TAFA1: variants seen among roughly 807,000 people sequenced by gnomAD.
TAFA1 encodes the protein TAFA chemokine like family member 1.
In TAFA1, 4 loss-of-function variants were observed where a neutral mutation model predicts 18.5. That is an observed-to-expected ratio of 0.22 (90% CI 0.11 to 0.49). TAFA1 has a LOEUF of 0.49. Ranked by LOEUF, TAFA1 falls within the 20% of genes least tolerant of loss-of-function variation. The pLI is 0.98. For missense variants in TAFA1, 147 were observed against 169.0 expected (o/e 0.87, Z 0.72); for synonymous variants, 56 against 55.2 (o/e 1.01, Z -0.06).
Position 68,434,229 on chromosome 3 carries a change from T to G in TAFA1, c.259+16809T>G, listed in dbSNP as rs188938996. Among the ~76,000 whole-genome samples the G allele has an allele frequency of 1.9e-3, 295 of 152,236 alleles. 2 individuals carry two copies. The highest frequency in any genetic ancestry group is 6.7e-3 in the African/African-American group (280 of 41,568). On this transcript the variant is annotated intron_variant, in intron 3 of 4. Transcript: ENST00000478136. ...TTACTTTTGAGTTGCTAGTGTTATG[T>G]GAAGTGGTAACTTGAGATTGGTGTG... is the stretch of plus-strand genomic sequence containing the variant.
chr3:68,453,707 G>A (rs1217516720), intron 3 of TAFA1, among the ~76,000 whole-genome samples: 1 of 152,182 alleles, frequency 6.6e-6, no homozygotes, highest in East Asian at 1.9e-4. Flanking sequence ...AATTGTGTTA[G>A]ATAATTTTTG....
At chr3:68,500,656 A>G (rs2106704973) in intron 3 of TAFA1, among the ~76,000 whole-genome samples, 2 of 152,172 alleles carry the variant, frequency 1.3e-5, no homozygotes, top group Non-Finnish European at 2.9e-5. Context: ...TAGCTGTGAC[A>G]ATGAGTATGT....
At chr3:68,118,809 C>T (rs149384225) in intron 2 of TAFA1, among the ~76,000 whole-genome samples, 1 of 152,140 alleles carries the variant, frequency 6.6e-6, no homozygotes, top group Non-Finnish European at 1.5e-5. Flanking sequence ...CATCTGTGCA[C>T]TATTGTGAAT....
chr3:68,424,397 A>G (rs2071015791), intron 3 of TAFA1, among the ~76,000 whole-genome samples: 1 of 152,074 alleles, frequency 6.6e-6, no homozygotes, highest in South Asian at 2.1e-4. Flanking sequence ...ACATCTATCC[A>G]TAAAATGGCT....
At chr3:68,016,951 C>T (rs774292842) in intron 2 of TAFA1, among the ~76,000 whole-genome samples, 2 of 151,980 alleles carry the variant, frequency 1.3e-5, no homozygotes, top group Non-Finnish European at 2.9e-5. Flanking sequence ...AGCACTTTTC[C>T]ACTGGAAAGT....
At chr3:68,401,862 A>G (rs1380636728) in intron 2 of TAFA1, among the ~76,000 whole-genome samples, 1 of 152,192 alleles carries the variant, frequency 6.6e-6, no homozygotes, top group Non-Finnish European at 1.5e-5. Flanking sequence ...CCTAGAAGAA[A>G]GAAAACGCAG....
intron 3 of TAFA1, among the ~76,000 whole-genome samples, chr3:68,462,293 G>A (rs948338124): frequency 5.9e-5 from 9 of 152,080 alleles, no homozygotes; most frequent in Non-Finnish European, 8.8e-5. Flanking sequence ...TACATGGCGC[G>A]GGATGGACCT....
chr3:68,272,780 T>A (rs2067700760), intron 2 of TAFA1, among the ~76,000 whole-genome samples: 1 of 152,160 alleles, frequency 6.6e-6, no homozygotes, highest in African/African-American at 2.4e-5. Flanking sequence ...AAAGCTAACC[T>A]TAAAGTCAGG....
Position 68,331,475 on chromosome 3 carries a change from A to G in TAFA1, c.119-85805A>G, listed in dbSNP as rs552788353. 6.6e-5 allele frequency among the ~76,000 whole-genome samples: 10 copies of G among 152,342 alleles called. No individual in the cohort carries two copies. The South Asian group carries it at 2.1e-3, about 32-fold the overall frequency. On this transcript the variant is annotated intron_variant, in intron 2 of 4. Coordinates refer to ENST00000478136, the MANE Select transcript of TAFA1 (RefSeq NM_213609.4). ...TATAGTAGATACTTGAAAAATATTT[A>G]ATAAATGAATGAATGCTAGTAAGAT...
intron 2 of TAFA1, among the ~76,000 whole-genome samples, chr3:68,041,337 T>C (rs1258627367): frequency 6.6e-6 from 1 of 152,228 alleles, no homozygotes; most frequent in Non-Finnish European, 1.5e-5. Flanking sequence ...TTTTGTACTC[T>C]CCAAGAGTTT....
At chr3:68,099,357 C>T (rs778714898) in intron 2 of TAFA1, among the ~76,000 whole-genome samples, 1 of 152,078 alleles carries the variant, frequency 6.6e-6, no homozygotes, top group Non-Finnish European at 1.5e-5. Flanking sequence ...TGAACAGACA[C>T]TTCTCAAAAG....
At chr3:68,124,851 T>A (rs2065444821) in intron 2 of TAFA1, among the ~76,000 whole-genome samples, 1 of 152,204 alleles carries the variant, frequency 6.6e-6, no homozygotes, top group Non-Finnish European at 1.5e-5. Flanking sequence ...AAGGCAGAAC[T>A]TCTGCTGTCT....
intron 3 of TAFA1, among the ~76,000 whole-genome samples, chr3:68,429,949 C>T (rs1237204302): frequency 6.6e-6 from 1 of 152,014 alleles, no homozygotes; most frequent in South Asian, 2.1e-4. Flanking sequence ...GAGAGACTTA[C>T]TCACTCATTC....
chr3:68,418,525 G>A (rs1366138208), intron 3 of TAFA1, among the ~76,000 whole-genome samples: 1 of 151,140 alleles, frequency 6.6e-6, no homozygotes, highest in African/African-American at 2.4e-5. Flanking sequence ...CATCAGTTAA[G>A]GCGGAGCAGG....
intron 3 of TAFA1, among the ~76,000 whole-genome samples, chr3:68,486,511 G>C (rs2072343097): frequency 6.6e-6 from 1 of 152,088 alleles, no homozygotes; most frequent in Admixed American, 6.5e-5. Context: ...TCAAATCTCA[G>C]CCTTACCAGT....
intron 3 of TAFA1, among the ~76,000 whole-genome samples, chr3:68,436,472 C>G (rs1052088759): frequency 3.6e-4 from 55 of 152,040 alleles, no homozygotes; most frequent in Non-Finnish European, 8.8e-5. Flanking sequence ...TTCAAAGACA[C>G]CAATTAGTTT....
At chr3:68,163,440 T>A (rs1001965781) in intron 2 of TAFA1, among the ~76,000 whole-genome samples, 1 of 152,232 alleles carries the variant, frequency 6.6e-6, no homozygotes, top group East Asian at 1.9e-4. Flanking sequence ...GATGCTGCAC[T>A]TTGAATGTGT....
At chr3:68,272,889 G>C (rs1454713326) in intron 2 of TAFA1, among the ~76,000 whole-genome samples, 1 of 152,122 alleles carries the variant, frequency 6.6e-6, no homozygotes, top group South Asian at 2.1e-4. Flanking sequence ...GAGCTGGACA[G>C]TCAGAGCTTT....
At chr3:68,154,719 G>A (rs894049303) in intron 2 of TAFA1, among the ~76,000 whole-genome samples, 1 of 152,102 alleles carries the variant, frequency 6.6e-6, no homozygotes, top group African/African-American at 2.4e-5. Flanking sequence ...TGGGGGCCCT[G>A]CCTTGGGGGT....
Sources: gnomAD v4.1 joint callset for allele counts (sites outside exome capture counted in the v4.1 genomes callset) on GRCh38, gnomAD v4.1.1 for gene constraint, MANE v1.5 for transcripts, NCBI Gene and HGNC (gene_info 2026-07-23, HGNC 2026-07-21) for gene names.